TSPAN5: variants seen among roughly 807,000 people sequenced by gnomAD.
TSPAN5 encodes the protein tetraspanin 5, also known as tetraspanin-5.
TSPAN5 carries 10 observed loss-of-function variants against 37.1 expected under a neutral mutation model. The observed-to-expected ratio is 0.27, with a 90% CI of 0.17 to 0.46. The LOEUF is 0.46. Among genes scored for constraint, TSPAN5 ranks in the 20% least tolerant of loss-of-function variants. The pLI, the probability that TSPAN5 is intolerant of heterozygous loss-of-function variation, is 1.00. For synonymous variants in TSPAN5, 110 were observed against 118.9 expected (o/e 0.93, Z 0.48); for missense variants, 195 against 326.6 (o/e 0.60, Z 3.11).
chr4:98,552,212 C>T (rs1441979007), intron 1 of TSPAN5, among the ~76,000 whole-genome samples: 1 of 152,064 alleles, frequency 6.6e-6, no homozygotes, highest in East Asian at 1.9e-4. Context: ...TGTAGTTTTG[C>T]TCTGATCTTT....
intron 3 of TSPAN5, among the ~76,000 whole-genome samples, chr4:98,486,148 G>A (rs12509267): frequency 0.79 from 120,783 of 152,148 alleles, 48,795 homozygotes; most frequent in African/African-American, 0.94. Flanking sequence ...TTAAATACCA[G>A]TGAACCCCCT....
At chr4:98,605,954 G>A (rs1322637537) in intron 1 of TSPAN5, among the ~76,000 whole-genome samples, 1 of 152,168 alleles carries the variant, frequency 6.6e-6, no homozygotes, top group Non-Finnish European at 1.5e-5. Flanking sequence ...TACCTGAGGT[G>A]GGGCTCATGT....
intron 1 of TSPAN5, among the ~76,000 whole-genome samples, chr4:98,648,002 G>C (rs1158925682): frequency 6.6e-6 from 1 of 152,136 alleles, no homozygotes; most frequent in Non-Finnish European, 1.5e-5. Flanking sequence ...CTTTCAAAGG[G>C]GGTGAAGGAA....
intron 1 of TSPAN5, among the ~76,000 whole-genome samples, chr4:98,531,775 T>C (rs1479099380): frequency 2.0e-5 from 3 of 152,238 alleles, no homozygotes; most frequent in Non-Finnish European, 2.9e-5. Context: ...TGTGAGATGG[T>C]ATCTCATTGT....
At chr4:98,479,290 T>A (rs557586739) in intron 4 of TSPAN5, among the ~76,000 whole-genome samples, 1 of 152,348 alleles carries the variant, frequency 6.6e-6, no homozygotes, top group South Asian at 2.1e-4. Flanking sequence ...TGTTTTGTTT[T>A]ATGGAGCGCA....
Position 98,613,391 on chromosome 4 carries a change from T to C in TSPAN5, c.81+44755A>G, listed in dbSNP as rs57804321. Among the ~76,000 whole-genome samples the C allele has an allele frequency of 5.3e-4, 81 of 152,320 alleles. No individual in the cohort carries two copies. The East Asian group carries it at 0.013, about 24-fold the overall frequency. The stretch of plus-strand genomic sequence containing the variant: ...ATATGTTTACTAGACCATAAGTTAT[T>C]GTAATAAAACCTACCCAGGATATTA... On this transcript the variant is annotated intron_variant, in intron 1 of 7. Coordinates refer to ENST00000305798, the MANE Select transcript of TSPAN5 (RefSeq NM_005723.4).
intron 3 of TSPAN5, chr4:98,483,627 T>C (rs542653457): frequency 3.9e-5 from 6 of 152,172 alleles, no homozygotes; most frequent in African/African-American, 1.4e-4. Flanking sequence ...TCTGTGAGGG[T>C]GGGCACGGGA....
At chr4:98,654,319 AT>A (rs1757255033) in intron 1 of TSPAN5, among the ~76,000 whole-genome samples, 1 of 152,234 alleles carries the variant, frequency 6.6e-6, no homozygotes, top group Non-Finnish European at 1.5e-5. Context: ...ATTGAGATCA[AT>A]TTACTTGCCT....
intron 1 of TSPAN5, 114 bp from the exon 2 acceptor site, chr4:98,507,842 A>G (rs982405952): frequency 1.5e-5 from 11 of 721,560 alleles, no homozygotes; most frequent in Middle Eastern, 4.0e-4. Flanking sequence ...GCTTTTCCTA[A>G]AGTGTGAGCA....
At chr4:98,481,901 C>A in intron 4 of TSPAN5, 104 bp downstream of exon 4, 1 of 1,099,156 alleles carries the variant, frequency 9.1e-7, no homozygotes, top group South Asian at 1.4e-5. Context: ...GCAGAATAGT[C>A]AGGTAGTTTC....
At chr4:98,515,412 C>T (rs1317561984) in intron 1 of TSPAN5, among the ~76,000 whole-genome samples, 1 of 152,090 alleles carries the variant, frequency 6.6e-6, no homozygotes, top group Non-Finnish European at 1.5e-5. Context: ...CTCAACCTGC[C>T]CCTCCAACCC....
At chr4:98,609,615 C>T (rs1756132560) in intron 1 of TSPAN5, among the ~76,000 whole-genome samples, 2 of 152,186 alleles carry the variant, frequency 1.3e-5, no homozygotes, top group African/African-American at 2.4e-5. Flanking sequence ...TGTCCAGGTG[C>T]AGGTCTACTC....
chr4:98,479,892 T>A (rs955566323), intron 4 of TSPAN5, among the ~76,000 whole-genome samples: 1 of 152,242 alleles, frequency 6.6e-6, no homozygotes, highest in East Asian at 1.9e-4. Flanking sequence ...TGCATACAGA[T>A]GTTATGTTAA....
At chr4:98,500,892 G>A (rs1292160896) in intron 2 of TSPAN5, among the ~76,000 whole-genome samples, 3 of 152,116 alleles carry the variant, frequency 2.0e-5, no homozygotes, top group Non-Finnish European at 2.9e-5. Flanking sequence ...TCTGCTTAGT[G>A]GGCTAGGTGC....
intron 1 of TSPAN5, among the ~76,000 whole-genome samples, chr4:98,604,854 T>C (rs17027826): frequency 0.074 from 11,199 of 152,238 alleles, 667 homozygotes; most frequent in African/African-American, 0.16. Flanking sequence ...TTGTCAGATG[T>C]GAAAACCAAG....
At chr4:98,588,208 A>T (rs1755539886) in intron 1 of TSPAN5, among the ~76,000 whole-genome samples, 1 of 152,194 alleles carries the variant, frequency 6.6e-6, no homozygotes, top group South Asian at 2.1e-4. Flanking sequence ...AGGATGAAAG[A>T]GATAAAATGA....
chr4:98,648,618 G>A (rs928502550), intron 1 of TSPAN5, among the ~76,000 whole-genome samples: 5 of 152,258 alleles, frequency 3.3e-5, no homozygotes, highest in Non-Finnish European at 4.4e-5. Context: ...ATAAACTGGC[G>A]TTTTTGGATT....
At chr4:98,656,901 A>G (rs1579060020) in intron 1 of TSPAN5, among the ~76,000 whole-genome samples, 1 of 152,240 alleles carries the variant, frequency 6.6e-6, no homozygotes, top group African/African-American at 2.4e-5. Flanking sequence ...TACGTACAGC[A>G]AACAGCCCAA....
At chr4:98,591,725 A>G (rs1219893713) in intron 1 of TSPAN5, among the ~76,000 whole-genome samples, 1 of 141,254 alleles carries the variant, frequency 7.1e-6, no homozygotes, top group Non-Finnish European at 1.5e-5. Flanking sequence ...TTTCTTTTTA[A>G]TGTGTCTACC....
Sources: gnomAD v4.1 joint callset for allele counts (sites outside exome capture counted in the v4.1 genomes callset) on GRCh38, gnomAD v4.1.1 for gene constraint, MANE v1.5 for transcripts, NCBI Gene and HGNC (gene_info 2026-07-23, HGNC 2026-07-21) for gene names.